RTTN: variants seen among roughly 807,000 people sequenced by gnomAD.
RTTN encodes rotatin.
RTTN carries 182 observed loss-of-function variants against 269.2 expected under a neutral mutation model. The ratio of observed to expected loss-of-function variants is 0.68; its 90% CI spans 0.60 to 0.76. RTTN has a LOEUF of 0.76. RTTN is among the 30% of genes least tolerant of loss of function. RTTN has a pLI of 0.00. For missense variants in RTTN, 2,545 were observed against 2,608.6 expected, an observed-to-expected ratio of 0.98 and a Z score of 0.53; for synonymous variants, 1,006 against 963.5, an observed-to-expected ratio of 1.04 and a Z score of -0.82.
chr18:70,012,112 C>CAGGGCAGCGTCTGCTCACTGGTGTTAG (rs2056397057), intron 46 of RTTN, among the ~76,000 whole-genome samples: 3 of 91,024 alleles, frequency 3.3e-5, no homozygotes, highest in Admixed American at 1.3e-4. Context: ...GTATTGGTTA[C>CAGGGCAGCGTCTGCTCACTGGTGTTAG]AGGGCAGCGT....
Position 70,057,793 on chromosome 18 carries a change from T to C in RTTN, c.4980A>G (p.Glu1660=), listed in dbSNP as rs766824556. 6.2e-7 allele frequency: 1 copy of C among 1,613,816 alleles called. No homozygotes were observed. Among genetic ancestry groups the C allele is most frequent in the African/African-American group, 1.3e-5 (1 of 75,020 alleles). Residue 1660 remains glutamate, a synonymous_variant, in exon 37 of 49, where the codon GAA becomes GAG. Transcript: ENST00000640769. ...DATLIQTCVQ[E]LRALLPSSPP... ...GTGATGAAGGCAGCAGGGCTCTGAG[T>C]TCCTGGACACATGTCTGTATGAGGG... is the stretch of plus-strand genomic sequence containing the variant.
chr18:70,081,252 A>G (rs1228415264), intron 32 of RTTN, among the ~76,000 whole-genome samples: 1 of 152,134 alleles, frequency 6.6e-6, no homozygotes, highest in East Asian at 1.9e-4. Context: ...GTACACCAAA[A>G]TCTCACAAAT....
chr18:70,022,283 A>AT (rs113961106), intron 44 of RTTN, among the ~76,000 whole-genome samples: 5,214 of 151,886 alleles, frequency 0.034, 310 homozygotes, highest in African/African-American at 0.12. Flanking sequence ...CAAAATGGGA[A>AT]TTTTCTCATC....
At chr18:70,184,739 T>TGTGTGG in intron 10 of RTTN, among the ~76,000 whole-genome samples, 1 of 112,522 alleles carries the variant, frequency 8.9e-6, no homozygotes, top group African/African-American at 2.9e-5. Context: ...TGTGTGTGTG[T>TGTGTGG]GTGTGTGTGT....
chr18:70,109,776 T>C, intron 27 of RTTN, 59 bp from the exon 28 acceptor site: 2 of 1,339,776 alleles, frequency 1.5e-6, no homozygotes, highest in Admixed American at 1.8e-5. Flanking sequence ...CTTAATGGGC[T>C]ATCTTACTGG....
At chr18:70,165,687 TAAAA>T (rs1420046682) in intron 14 of RTTN, among the ~76,000 whole-genome samples, 1 of 151,550 alleles carries the variant, frequency 6.6e-6, no homozygotes, top group Non-Finnish European at 1.5e-5. Flanking sequence ...AAAAGAAAAA[TAAAA>T]AATAACATTA....
intron 43 of RTTN, among the ~76,000 whole-genome samples, chr18:70,027,508 T>C (rs919899689): frequency 6.6e-6 from 1 of 152,234 alleles, no homozygotes; most frequent in Non-Finnish European, 1.5e-5. Flanking sequence ...TATTTATAAC[T>C]AGTAGCCAGG....
intron 19 of RTTN, among the ~76,000 whole-genome samples, chr18:70,141,878 T>C (rs1486741459): frequency 6.6e-6 from 1 of 152,172 alleles, no homozygotes; most frequent in Non-Finnish European, 1.5e-5. Flanking sequence ...AGCAAGATGG[T>C]ACAGATTGAA....
intron 34 of RTTN, 79 bp from the exon 35 acceptor site, chr18:70,066,001 C>T (rs1422611619): frequency 6.8e-6 from 6 of 878,750 alleles, no homozygotes; most frequent in African/African-American, 1.7e-5. Flanking sequence ...CACAAGATAT[C>T]CTTAAACAAG....
chr18:70,171,428 A>G (rs1418704521), intron 11 of RTTN, among the ~76,000 whole-genome samples: 1 of 152,236 alleles, frequency 6.6e-6, no homozygotes, highest in African/African-American at 2.4e-5. Context: ...ATAGCACTCA[A>G]TAAATATTAA....
intron 6 of RTTN, 84 bp from the exon 7 acceptor site, chr18:70,196,732 C>T (rs918969193): frequency 2.3e-6 from 3 of 1,305,728 alleles, no homozygotes; most frequent in Non-Finnish European, 3.2e-6. Context: ...AGTAAGTAAG[C>T]CTAAGTGAAT....
intron 40 of RTTN, among the ~76,000 whole-genome samples, chr18:70,045,017 G>A (rs767661247): frequency 6.6e-5 from 10 of 152,170 alleles, no homozygotes; most frequent in Non-Finnish European, 1.2e-4. Flanking sequence ...TCTCTGCTAA[G>A]TCAAATGTGT....
intron 8 of RTTN, among the ~76,000 whole-genome samples, chr18:70,191,798 C>T (rs2061677933): frequency 1.3e-5 from 2 of 152,152 alleles, no homozygotes; most frequent in Non-Finnish European, 2.9e-5. Context: ...TTTCAAGATA[C>T]CAAGCACCCC....
chr18:70,176,784 C>T lies in RTTN; in HGVS notation c.1367G>A (p.Ser456Asn). ...LGETMCYHKS[S>N]ISLEQPEVML... is the part of the protein sequence containing the mutation. ...CACCTCTGGCTGCTCCAAACTGATA[C>T]TACTTTTATGGTAGCACATGGTTTC... The change falls in exon 11 of 49, where the codon AGT becomes AAT. Residue 456 changes from serine (S) to asparagine (N), a missense_variant. Ser to Asn is a conservative substitution (Grantham distance 46). Coordinates refer to ENST00000640769, the MANE Select transcript of RTTN (RefSeq NM_173630.4). The T allele has an allele frequency of 6.2e-7, 1 of 1,614,158 alleles. No individual in the cohort carries two copies. The highest frequency in any genetic ancestry group is 2.2e-5 in the East Asian group (1 of 44,872).
intron 46 of RTTN, among the ~76,000 whole-genome samples, chr18:70,015,104 A>C (rs2056500701): frequency 6.6e-6 from 1 of 151,450 alleles, no homozygotes; most frequent in Non-Finnish European, 1.5e-5. Context: ...TTGGAGATGA[A>C]GTCTCACTCT....
At chr18:70,174,147 T>TA (rs10711584) in intron 11 of RTTN, among the ~76,000 whole-genome samples, 25 of 142,404 alleles carry the variant, frequency 1.8e-4, no homozygotes, top group African/African-American at 5.7e-4. Context: ...TATGAAAGTT[T>TA]AAAAAAAAAA....
chr18:70,063,381 T>C (rs1172695898), intron 35 of RTTN, among the ~76,000 whole-genome samples: 4 of 152,190 alleles, frequency 2.6e-5, no homozygotes, highest in Non-Finnish European at 5.9e-5. Flanking sequence ...AATTATCTTT[T>C]CATGTTTTCT....
rs1341591633 is a variant in RTTN, at chr18:70,157,219, A to G, written c.1930-6486T>C. On this transcript the variant is annotated intron_variant, in intron 14 of 48. Transcript: ENST00000640769. ...ACTTTCTCGGGCAGTCACCATCGGA[A>G]AGTTGTTGCCAGCAGTCTGGGAACA... Among the ~76,000 whole-genome samples, 3 of 152,214 alleles carry G rather than the reference A, an allele frequency of 2.0e-5. No homozygotes were observed. In the East Asian group the frequency reaches 5.8e-4, roughly 29 times the overall value.
chr18:70,191,527 G>A (rs1453724822), intron 8 of RTTN, among the ~76,000 whole-genome samples: 1 of 152,162 alleles, frequency 6.6e-6, no homozygotes, highest in African/African-American at 2.4e-5. Flanking sequence ...ACATCATGTA[G>A]TGACTTCAAA....
Sources: gnomAD v4.1 joint callset for allele counts (sites outside exome capture counted in the v4.1 genomes callset) on GRCh38, gnomAD v4.1.1 for gene constraint, MANE v1.5 for transcripts, NCBI Gene and HGNC (gene_info 2026-07-23, HGNC 2026-07-21) for gene names.